The following THOC7 variants were observed in gnomAD, a reference collection of about 807,000 sequenced individuals.
The protein encoded by THOC7 is NIF3L1-binding protein 1.
THOC7 carries 22 observed loss-of-function variants against 33.1 expected under a neutral mutation model. The ratio of observed to expected loss-of-function variants is 0.66; its 90% CI spans 0.47 to 0.95. The LOEUF is 0.95. Ranked by LOEUF, THOC7 falls within the 40% of genes least tolerant of loss-of-function variation. The pLI is 0.00. For synonymous variants in THOC7, 77 were observed against 76.8 expected (o/e 1.00, Z -0.01); for missense variants, 184 against 245.3 (o/e 0.75, Z 1.67).
At chr3:63,851,101 A>G (rs1467709313) in intron 1 of THOC7, among the ~76,000 whole-genome samples, 1 of 152,164 alleles carries the variant, frequency 6.6e-6, no homozygotes, top group African/African-American at 2.4e-5. Flanking sequence ...CAAACTCTTC[A>G]TGTTTTCCAC....
In THOC7 at chr3:63,836,295, A is replaced by C. The variant is rs770296656; in HGVS notation, c.410+6T>G. 1 of 1,611,968 alleles carries C rather than the reference A, an allele frequency of 6.2e-7. No homozygotes were observed. Among genetic ancestry groups the C allele is most frequent in the Non-Finnish European group, 8.5e-7 (1 of 1,178,638 alleles). ...AGTTCCTTTCAAAGTAAAGCTCTAC[A>C]CTTACTTTAATGTCTCATGCCTGTC... On this transcript the variant is annotated splice_donor_region_variant and intron_variant, in intron 5 of 7. Coordinates refer to ENST00000295899, the MANE Select transcript of THOC7 (RefSeq NM_025075.4).
At chr3:63,839,080 C>T (rs571667768) in intron 2 of THOC7, among the ~76,000 whole-genome samples, 4 of 152,084 alleles carry the variant, frequency 2.6e-5, no homozygotes, top group Non-Finnish European at 5.9e-5. Flanking sequence ...ATCCCAGCTA[C>T]TCAGGAGGTT....
At chr3:63,834,256 G>A (rs902034510) in intron 7 of THOC7, 57 bp from the exon 8 acceptor site, 26 of 1,522,378 alleles carry the variant, frequency 1.7e-5, no homozygotes, top group African/African-American at 1.2e-4. Context: ...TTTTATATTC[G>A]ATGAACACAT....
At chr3:63,841,285 T>C (rs141153645) in intron 1 of THOC7, among the ~76,000 whole-genome samples, 2 of 152,212 alleles carry the variant, frequency 1.3e-5, no homozygotes, top group Non-Finnish European at 2.9e-5. Flanking sequence ...AAGAAACTTG[T>C]AATAGCGGTT....
chr3:63,841,215 G>T (rs72888298), intron 1 of THOC7, among the ~76,000 whole-genome samples: 2,091 of 152,310 alleles, frequency 0.014, 58 homozygotes, highest in African/African-American at 0.046. Context: ...GGCTTTGCGT[G>T]TGTGCATGTG....
At chr3:63,846,574 A>AT (rs1408877747) in intron 1 of THOC7, among the ~76,000 whole-genome samples, 1 of 151,860 alleles carries the variant, frequency 6.6e-6, no homozygotes, top group African/African-American at 2.4e-5. Context: ...CGCCAGGCTA[A>AT]TTTTTTTGTA....
At chr3:63,863,517 G>A in intron 1 of THOC7, 2 of 1,188,520 alleles carry the variant, frequency 1.7e-6, no homozygotes, top group South Asian at 4.3e-5. Flanking sequence ...ATAGCCCCGC[G>A]CTGCCTCCGG....
At chr3:63,839,141 G>C (rs552698313) in intron 2 of THOC7, among the ~76,000 whole-genome samples, 65 of 152,180 alleles carry the variant, frequency 4.3e-4, no homozygotes, top group African/African-American at 1.5e-3. Context: ...AGTGAGCCAA[G>C]ATTGTGCCAT....
intron 1 of THOC7, among the ~76,000 whole-genome samples, chr3:63,855,332 T>C (rs1200545718): frequency 2.0e-5 from 3 of 152,228 alleles, no homozygotes; most frequent in African/African-American, 7.2e-5. Flanking sequence ...TGCTGAAATG[T>C]AAATATTTAC....
chr3:63,844,242 A>C (rs1430567834), intron 1 of THOC7, among the ~76,000 whole-genome samples: 1 of 152,210 alleles, frequency 6.6e-6, no homozygotes, highest in Non-Finnish European at 1.5e-5. Flanking sequence ...CAAAAGATAC[A>C]TACTTACAGT....
intron 4 of THOC7, 113 bp downstream of exon 4, chr3:63,837,863 T>C: frequency 1.2e-6 from 1 of 866,590 alleles, no homozygotes; most frequent in Non-Finnish European, 1.7e-6. Context: ...ATTTGGATTT[T>C]TTTTAATCCA....
intron 5 of THOC7, 86 bp from the exon 6 acceptor site, chr3:63,835,476 G>A: frequency 4.1e-6 from 5 of 1,228,398 alleles, no homozygotes; most frequent in East Asian, 2.4e-5. Context: ...TACTAGATAG[G>A]ATTTTTAAAA....
At chr3:63,845,109 T>TGG in intron 1 of THOC7, 4 of 687,052 alleles carry the variant, frequency 5.8e-6, no homozygotes, top group East Asian at 5.4e-5. Context: ...TTTCTGGGGG[T>TGG]GGGGGGTACT....
intron 1 of THOC7, among the ~76,000 whole-genome samples, chr3:63,840,398 C>T (rs186331758): frequency 5.1e-4 from 78 of 151,992 alleles, no homozygotes; most frequent in African/African-American, 1.7e-3. Context: ...TTGAGACCAG[C>T]CTGACCAACA....
chr3:63,846,405 T>G (rs1412175145), intron 1 of THOC7, among the ~76,000 whole-genome samples: 1 of 152,114 alleles, frequency 6.6e-6, no homozygotes, highest in Admixed American at 6.6e-5. Flanking sequence ...AACTTATTAT[T>G]TAAAAATTTT....
At chr3:63,847,871 C>T (rs1701933120) in intron 1 of THOC7, among the ~76,000 whole-genome samples, 2 of 152,138 alleles carry the variant, frequency 1.3e-5, no homozygotes, top group South Asian at 4.1e-4. Context: ...AATGGACACC[C>T]ATTCAATAGG....
At chr3:63,853,310 C>T (rs886265772) in intron 1 of THOC7, among the ~76,000 whole-genome samples, 11 of 152,144 alleles carry the variant, frequency 7.2e-5, no homozygotes, top group African/African-American at 2.4e-4. Flanking sequence ...AGGGAATTCC[C>T]TGTCCAGGCA....
In THOC7 at chr3:63,834,248, T is replaced by G. The variant is rs1227414356; in HGVS notation, c.548-49A>C. Reference sequence around the variant, plus strand: ...AACCTTAGTCAAGTTTGCCTATATTTTATATTCGATGAACACATGAAAACA... The same window carrying G: ...AACCTTAGTCAAGTTTGCCTATATTGTATATTCGATGAACACATGAAAACA... On this transcript the variant is annotated intron_variant, in intron 7 of 7. Coordinates refer to ENST00000295899, the MANE Select transcript of THOC7 (RefSeq NM_025075.4). 15 of 1,566,326 alleles carry G rather than the reference T, an allele frequency of 9.6e-6. No individual in the cohort carries two copies. In the African/African-American group the frequency reaches 2.0e-4, roughly 21 times the overall value.
intron 1 of THOC7, among the ~76,000 whole-genome samples, chr3:63,846,605 T>G (rs1357655283): frequency 6.6e-6 from 1 of 152,038 alleles, no homozygotes; most frequent in Middle Eastern, 3.2e-3. Flanking sequence ...AGACGTGGTT[T>G]TACCATGTTG....
Sources: allele counts gnomAD v4.1 joint callset (sites outside exome capture counted in the v4.1 genomes callset), GRCh38; gene constraint gnomAD v4.1.1; transcripts MANE v1.5; gene names NCBI Gene and HGNC (gene_info 2026-07-23, HGNC 2026-07-21).